The following ESR1 variants were observed in gnomAD, a reference collection of about 807,000 sequenced individuals.
ESR1 encodes estrogen receptor 1.
In ESR1, 12 loss-of-function variants were observed where a neutral mutation model predicts 52.7. The ratio of observed to expected loss-of-function variants is 0.23; its 90% CI spans 0.15 to 0.37. The LOEUF (loss-of-function observed/expected upper bound fraction) is 0.37. Ranked by LOEUF, ESR1 falls within the 10% of genes least tolerant of loss-of-function variation. The pLI is 1.00. For synonymous variants in ESR1, 305 were observed against 316.8 expected, an observed-to-expected ratio of 0.96 and a Z score of 0.39; for missense variants, 584 against 779.7, an observed-to-expected ratio of 0.75 and a Z score of 2.99.
At chr6:151,956,766 T>C (rs577530296) in intron 4 of ESR1, among the ~76,000 whole-genome samples, 1 of 148,670 alleles carries the variant, frequency 6.7e-6, no homozygotes, top group Non-Finnish European at 1.5e-5. Flanking sequence ...CTCTCTTCCA[T>C]GTGACAAATA....
At chr6:151,988,669 AC>A (rs1261258039) in intron 4 of ESR1, among the ~76,000 whole-genome samples, 1 of 151,740 alleles carries the variant, frequency 6.6e-6, no homozygotes, top group Non-Finnish European at 1.5e-5. Context: ...TATACAACAA[AC>A]CCCCATGACA....
At position 152,039,762 on chromosome 6, in the gene ESR1, C is replaced by T. The variant is rs188896905; in HGVS notation, c.1236-21229C>T. 2.8e-4 allele frequency among the ~76,000 whole-genome samples: 43 copies of T among 152,242 alleles called. No individual in the cohort carries two copies. In the East Asian group the frequency reaches 5.4e-3, roughly 19 times the overall value. Reference sequence around the variant, plus strand: ...TTGCCCCAGCCCTGCAAAGTATTGTCGCCTAGTTGGCATTGTAATTGTGAC... The same window carrying T: ...TTGCCCCAGCCCTGCAAAGTATTGTTGCCTAGTTGGCATTGTAATTGTGAC... On this transcript the variant is annotated intron_variant, in intron 5 of 7. Transcript: ENST00000206249.
chr6:151,950,801 A>T (rs2036243041), intron 4 of ESR1, among the ~76,000 whole-genome samples: 1 of 152,156 alleles, frequency 6.6e-6, no homozygotes, highest in Non-Finnish European at 1.5e-5. Context: ...TGTGAGGCGT[A>T]CATTTCTGTT....
chr6:151,801,569 G>A (rs985377751), upstream of ESR1, among the ~76,000 whole-genome samples: 5 of 152,190 alleles, frequency 3.3e-5, no homozygotes, highest in South Asian at 4.1e-4. Context: ...GGTCTTTGGC[G>A]TGATTCTTGG....
intron 1 of ESR1, among the ~76,000 whole-genome samples, chr6:151,836,885 A>T (rs1236087590): frequency 6.6e-6 from 1 of 152,168 alleles, no homozygotes; most frequent in Non-Finnish European, 1.5e-5. Flanking sequence ...TCCTTTAAAA[A>T]CCAAGGCTTC....
chr6:151,983,785 G>T (rs1164162536), intron 4 of ESR1, among the ~76,000 whole-genome samples: 13 of 152,004 alleles, frequency 8.6e-5, no homozygotes, highest in Admixed American at 8.5e-4. Flanking sequence ...AATACCTGGG[G>T]CAATGGCAGA....
chr6:151,783,310 T>C (rs1786723538), intron 2 of ESR1, among the ~76,000 whole-genome samples: 1 of 152,180 alleles, frequency 6.6e-6, no homozygotes, highest in African/African-American at 2.4e-5. Context: ...TGGGGAGATG[T>C]TGGCTATTTT....
chr6:152,040,804 C>A (rs1314547990), intron 5 of ESR1, among the ~76,000 whole-genome samples: 2 of 152,176 alleles, frequency 1.3e-5, no homozygotes, highest in Admixed American at 1.3e-4. Context: ...ATAGGGAACT[C>A]CCCATGAGGC....
At chr6:151,807,584 C>T, upstream of ESR1, 1 of 477,112 alleles carries the variant, frequency 2.1e-6, no homozygotes, top group East Asian at 3.9e-5. Context: ...AAGCCAATGT[C>T]AGGGCAAGGC....
rs114712607 is a variant in ESR1, at chr6:151,865,686, G to A, written c.644-14969G>A. 8.1e-3 allele frequency among the ~76,000 whole-genome samples: 1,240 copies of A among 152,300 alleles called. 17 individuals carry two copies. The highest frequency in any genetic ancestry group is 0.028 in the African/African-American group (1,179 of 41,558). On this transcript the variant is annotated intron_variant, in intron 2 of 7. Transcript: ENST00000206249. ...ATAATTGAAGTTTAGAACTGAATGGGCACTAACGAACAACAGATACATCTC... is the reference window on the plus strand; with the variant it reads ...ATAATTGAAGTTTAGAACTGAATGGACACTAACGAACAACAGATACATCTC...
rs141467101 is a variant in ESR1 at position 152,066,554 on chromosome 6, C to T, written c.1369+5430C>T. Reference sequence around the variant, plus strand: ...GTTCTCTCTGGAGTCCTTTGTAATGCCAAGCTTCCTCTCCAGGGAGCTGGC... The same window carrying T: ...GTTCTCTCTGGAGTCCTTTGTAATGTCAAGCTTCCTCTCCAGGGAGCTGGC... On this transcript the variant is annotated intron_variant, in intron 6 of 7. Coordinates refer to ENST00000206249, the MANE Select transcript of ESR1 (RefSeq NM_000125.4). Among the ~76,000 whole-genome samples, 394 of 152,286 alleles carry T rather than the reference C, an allele frequency of 2.6e-3. 2 individuals are homozygous for T. Among genetic ancestry groups the T allele is most frequent in the African/African-American group, 9.0e-3 (376 of 41,576 alleles).
intron 3 of ESR1, among the ~76,000 whole-genome samples, chr6:151,938,695 C>T (rs917155302): frequency 6.6e-6 from 1 of 152,120 alleles, no homozygotes; most frequent in African/African-American, 2.4e-5. Flanking sequence ...TTAATAAATT[C>T]CCATAAGTTA....
chr6:152,119,163 A>G (rs1208341083), intron 6 of ESR1, among the ~76,000 whole-genome samples: 4 of 152,174 alleles, frequency 2.6e-5, no homozygotes, highest in Admixed American at 6.5e-5. Context: ...TGGTTTGTCA[A>G]TTAAGTTTTG....
intron 1 of ESR1, among the ~76,000 whole-genome samples, chr6:151,664,782 A>G (rs993849578): frequency 2.6e-5 from 4 of 152,194 alleles, no homozygotes; most frequent in Non-Finnish European, 5.9e-5. Flanking sequence ...CTGAAAGTCA[A>G]TTAAGAAAAA....
intron 3 of ESR1, among the ~76,000 whole-genome samples, chr6:151,899,071 G>C (rs559471803): frequency 1.6e-5 from 2 of 125,646 alleles, no homozygotes; most frequent in African/African-American, 5.9e-5. Context: ...CTGGCCGGGT[G>C]GGGGGCTGAC....
intron 4 of ESR1, among the ~76,000 whole-genome samples, chr6:151,991,374 A>G (rs763180458): frequency 2.0e-5 from 3 of 152,164 alleles, no homozygotes; most frequent in Non-Finnish European, 2.9e-5. Context: ...GAAATTCAGG[A>G]AGAATTTGAC....
intron 6 of ESR1, among the ~76,000 whole-genome samples, chr6:152,089,202 G>A (rs1270910650): frequency 6.6e-6 from 1 of 152,168 alleles, no homozygotes; most frequent in Non-Finnish European, 1.5e-5. Flanking sequence ...ATTTTAATAT[G>A]TACATTGCAC....
At chr6:151,837,423 A>G (rs540699177) in intron 1 of ESR1, among the ~76,000 whole-genome samples, 2 of 152,216 alleles carry the variant, frequency 1.3e-5, no homozygotes, top group African/African-American at 4.8e-5. Flanking sequence ...ATTATGTTGA[A>G]TATGTAATAT....
chr6:152,089,886 T>A (rs940129116), intron 6 of ESR1, among the ~76,000 whole-genome samples: 1 of 152,168 alleles, frequency 6.6e-6, no homozygotes, highest in Non-Finnish European at 1.5e-5. Flanking sequence ...CCACTATAGA[T>A]TTTTATTTGT....
Sources: allele counts gnomAD v4.1 joint callset (sites outside exome capture counted in the v4.1 genomes callset), GRCh38; gene constraint gnomAD v4.1.1; transcripts MANE v1.5; gene names NCBI Gene and HGNC (gene_info 2026-07-23, HGNC 2026-07-21).